ZFPM1: variants seen among roughly 807,000 people sequenced by gnomAD.
ZFPM1 encodes the protein zinc finger protein, FOG family member 1.
A neutral mutation model predicts 46.3 loss-of-function variants in ZFPM1; 28 were observed. The ratio of observed to expected loss-of-function variants is 0.60; its 90% CI spans 0.45 to 0.83. The LOEUF (loss-of-function observed/expected upper bound fraction) is 0.83, where lower values mean the gene tolerates loss of function less well. Ranked by LOEUF, ZFPM1 falls within the 40% of genes least tolerant of loss-of-function variation. ZFPM1 has a pLI of 0.00. For synonymous variants in ZFPM1, 957 were observed against 675.9 expected (o/e 1.42, Z -6.45); for missense variants, 1,878 against 1,432.4 (o/e 1.31, Z -5.02).
rs368574453 is a variant in ZFPM1 at position 88,533,176 on chromosome 16, C to T, written c.1218C>T (p.His406=). Residue 406 remains histidine, a synonymous_variant, in exon 10 of 10, where the codon CAC becomes CAT. Coordinates refer to ENST00000319555, the MANE Select transcript of ZFPM1 (RefSeq NM_153813.3). ...GTCTGGGCAGCTTCCAGCAGCAGCACACGGCCCTGCAAGGCCCCCTGGCCT... is the reference window on the plus strand; with the variant it reads ...GTCTGGGCAGCTTCCAGCAGCAGCATACGGCCCTGCAAGGCCCCCTGGCCT... ...PDSLGSFQQQ[H]TALQGPLASA... 9.2e-5 allele frequency: 140 copies of T among 1,521,692 alleles called. No homozygotes were observed. In the African/African-American group the frequency reaches 1.8e-3, roughly 20 times the overall value. 94.3% of individuals were successfully genotyped at this position (1,521,692 alleles called of 1,614,324 possible).
At chr16:88,475,843 C>T (rs1483253662) in intron 1 of ZFPM1, among the ~76,000 whole-genome samples, 1 of 152,210 alleles carries the variant, frequency 6.6e-6, no homozygotes, top group Non-Finnish European at 1.5e-5. Context: ...TGCAGGAGGA[C>T]CTGGGCCTAC....
At chr16:88,454,471 G>A (rs114159011) in intron 1 of ZFPM1, among the ~76,000 whole-genome samples, 2 of 152,184 alleles carry the variant, frequency 1.3e-5, no homozygotes, top group Non-Finnish European at 2.9e-5. Context: ...CATCCCAATG[G>A]GCTGCTCTGA....
At chr16:88,511,271 G>A (rs1910944831) in intron 3 of ZFPM1, among the ~76,000 whole-genome samples, 1 of 152,094 alleles carries the variant, frequency 6.6e-6, no homozygotes, top group South Asian at 2.1e-4. Flanking sequence ...TGCCCCACAG[G>A]GTTTTGTGGC....
chr16:88,533,068 C>A, intron 9 of ZFPM1, 80 bp from the exon 10 acceptor site: 5 of 1,470,090 alleles, frequency 3.4e-6, no homozygotes, highest in South Asian at 1.4e-5. Context: ...CACCCCTCCC[C>A]TTCCGGAGCT....
At chr16:88,468,038 C>T (rs1208956045) in intron 1 of ZFPM1, among the ~76,000 whole-genome samples, 89 of 139,932 alleles carry the variant, frequency 6.4e-4, no homozygotes, top group South Asian at 4.7e-4. Flanking sequence ...GCGAGCCCAC[C>T]GCCCCTCACG....
At position 88,536,889 on chromosome 16, in the gene ZFPM1, G is replaced by A. The variant is rs1193063039; in HGVS notation, c.*1910G>A. On this transcript the variant is annotated 3_prime_UTR_variant, in exon 10 of 10. Coordinates refer to ENST00000319555, the MANE Select transcript of ZFPM1 (RefSeq NM_153813.3). ...ATTGTTGTGCATGAATTTGCGTGGA[G>A]GGTTCAGGAGGCTCTGCCCCCAAGT... 3.3e-5 allele frequency: 5 copies of A among 152,388 alleles called. No individual in the cohort carries two copies. The highest frequency in any genetic ancestry group is 7.3e-5 in the Non-Finnish European group (5 of 68,054). The allele number at this position is 152,388 out of a possible 1,614,324, so 9.4% of individuals were successfully genotyped here.
chr16:88,488,227 T>C (rs1346339516), intron 2 of ZFPM1, among the ~76,000 whole-genome samples: 2 of 151,754 alleles, frequency 1.3e-5, no homozygotes, highest in African/African-American at 4.8e-5. Context: ...GAGGTGGACT[T>C]TGACCCGGGC....
In ZFPM1 at chr16:88,526,810, C is replaced by T. The variant is rs59292167; in HGVS notation, c.403-4C>T. ...CCCCACGTGTTCCTACCCTCCCCCC[C>T]CAGAGCCCAGCCCTGACCCTGCTGC... On this transcript the variant is annotated splice_polypyrimidine_tract_variant and splice_region_variant and intron_variant, in intron 4 of 9. Transcript: ENST00000319555. 151 of 1,545,838 alleles carry T rather than the reference C, an allele frequency of 9.8e-5. No individual in the cohort carries two copies. The African/African-American group carries it at 1.6e-3, about 16-fold the overall frequency.
chr16:88,533,316 G>T lies in ZFPM1; in HGVS notation c.1358G>T (p.Ser453Ile). ...AEPLAQNGGS[S>I]EPPAAPRSIK... ...CCTCTGGCCCAGAATGGAGGCAGCA[G>T]CGAGCCCCCGGCGGCCCCCAGGAGC... is the stretch of plus-strand genomic sequence containing the variant. Residue 453 changes from serine (S) to isoleucine (I), a missense_variant, in exon 10 of 10, where the codon AGC becomes ATC. Ser to Ile is a moderately radical substitution (Grantham distance 142). Transcript: ENST00000319555. 1 of 1,532,072 alleles carries T rather than the reference G, an allele frequency of 6.5e-7. No individual in the cohort carries two copies. The allele number at this position is 1,532,072 out of a possible 1,614,324, so 94.9% of individuals were successfully genotyped here.
chr16:88,457,201 G>T (rs1168983735), intron 1 of ZFPM1, among the ~76,000 whole-genome samples: 2 of 152,264 alleles, frequency 1.3e-5, no homozygotes, highest in East Asian at 3.8e-4. Context: ...GGTGGTTTCT[G>T]TGATGTGTTA....
At chr16:88,476,088 C>T (rs2142360780) in intron 1 of ZFPM1, among the ~76,000 whole-genome samples, 2 of 152,238 alleles carry the variant, frequency 1.3e-5, no homozygotes, top group South Asian at 2.1e-4. Context: ...ACCCAGGCCT[C>T]AGACCCCACA....
chr16:88,491,603 C>G (rs577215951), intron 3 of ZFPM1, among the ~76,000 whole-genome samples: 3 of 152,226 alleles, frequency 2.0e-5, no homozygotes, highest in Non-Finnish European at 4.4e-5. Context: ...GATCATCCTC[C>G]TGTTCTCCAG....
chr16:88,509,035 G>A (rs115362462), intron 3 of ZFPM1, among the ~76,000 whole-genome samples: 4,830 of 152,250 alleles, frequency 0.032, 275 homozygotes, highest in African/African-American at 0.11. Flanking sequence ...CCTCCCGTGT[G>A]ACCCTGGGGA....
chr16:88,462,694 T>C (rs1448292124), intron 1 of ZFPM1, among the ~76,000 whole-genome samples: 1 of 152,142 alleles, frequency 6.6e-6, no homozygotes, highest in African/African-American at 2.4e-5. Flanking sequence ...CTAGACCCTC[T>C]GTCATTATAG....
At position 88,469,785 on chromosome 16, in the gene ZFPM1, T is replaced by G. The variant is rs1227735850; in HGVS notation, c.40+16107T>G. Among the ~76,000 whole-genome samples the G allele has an allele frequency of 3.3e-5, 5 of 151,824 alleles. No individual in the cohort carries two copies. The highest frequency in any genetic ancestry group is 6.6e-5 in the Admixed American group (1 of 15,260). On this transcript the variant is annotated intron_variant, in intron 1 of 9. Transcript: ENST00000319555. This position sits in a 1 kb window ranked among gnomAD's most constrained non-coding sequence, Gnocchi z 4.3. Reference sequence around the variant, plus strand: ...GAGAGAAAGAGTCTGGGCTGAGATCTAAGGAGAGGAAGTAGGGAGGGGCCG... The same window carrying G: ...GAGAGAAAGAGTCTGGGCTGAGATCGAAGGAGAGGAAGTAGGGAGGGGCCG...
chr16:88,504,295 G>A (rs1052034103), intron 3 of ZFPM1, among the ~76,000 whole-genome samples: 2 of 152,144 alleles, frequency 1.3e-5, no homozygotes, highest in Admixed American at 1.3e-4. Context: ...CTGACATCCT[G>A]TTTTCAGCCA....
chr16:88,534,014 G>C lies in ZFPM1; in HGVS notation c.2056G>C (p.Glu686Gln), dbSNP rs755208575. Residue 686 changes from glutamate to glutamine, a missense_variant, in exon 10 of 10, where the codon GAG becomes CAG. Transcript: ENST00000319555. ...GGACGACCCCAGCCGCACGCTGTGC[G>C]AGGCCTGCAACATCCGCTTCAGCCG... ...AEDDPSRTLC[E>Q]ACNIRFSRHE... is the part of the protein sequence containing the mutation. 2 of 1,379,592 alleles carry C rather than the reference G, an allele frequency of 1.4e-6. No homozygotes were observed. Among genetic ancestry groups the C allele is most frequent in the Non-Finnish European group, 1.9e-6 (2 of 1,050,800 alleles). The allele number at this position is 1,379,592 out of a possible 1,614,324, so 85.5% of individuals were successfully genotyped here.
chr16:88,510,434 G>A (rs2142421483), intron 3 of ZFPM1, among the ~76,000 whole-genome samples: 1 of 152,360 alleles, frequency 6.6e-6, no homozygotes, highest in South Asian at 2.1e-4. Flanking sequence ...AGGGCTTTAA[G>A]ACCCATGTGG....
intron 3 of ZFPM1, among the ~76,000 whole-genome samples, chr16:88,504,589 T>C (rs756034463): frequency 3.3e-5 from 5 of 152,090 alleles, no homozygotes; most frequent in East Asian, 1.9e-4. Flanking sequence ...CCAGGGTGCA[T>C]GGAGAAAGAG....
Sources: allele counts gnomAD v4.1 joint callset (sites outside exome capture counted in the v4.1 genomes callset), GRCh38; gene constraint gnomAD v4.1.1; non-coding constraint Gnocchi (gnomAD v3.1); transcripts MANE v1.5; gene names NCBI Gene and HGNC (gene_info 2026-07-23, HGNC 2026-07-21).